MEIKIN: variants seen among roughly 807,000 people sequenced by gnomAD.
MEIKIN encodes meiosis-specific kinetochore protein.
At chr5:131,911,982 T>C in intron 7 of MEIKIN, 103 bp from the exon 8 acceptor site, 1 of 388,324 alleles carries the variant, frequency 2.6e-6, no homozygotes, top group Non-Finnish European at 4.6e-6. Flanking sequence ...TTGAGATTAA[T>C]TATCCTGTGG....
intron 9 of MEIKIN, among the ~76,000 whole-genome samples, chr5:131,862,994 T>C (rs1232356337): frequency 6.6e-6 from 1 of 152,230 alleles, no homozygotes; most frequent in Non-Finnish European, 1.5e-5. Flanking sequence ...CCACTGTTCC[T>C]GTCCTTATTT....
intron 8 of MEIKIN, among the ~76,000 whole-genome samples, chr5:131,895,761 T>C (rs1350395263): frequency 6.6e-6 from 1 of 152,216 alleles, no homozygotes; most frequent in Non-Finnish European, 1.5e-5. Context: ...ATTGTGTCTA[T>C]TTGATTCTTC....
chr5:131,936,866 C>T (rs1274560201), intron 4 of MEIKIN, among the ~76,000 whole-genome samples: 1 of 152,152 alleles, frequency 6.6e-6, no homozygotes, highest in African/African-American at 2.4e-5. Context: ...CCACAGCGCC[C>T]GGCCTTGTTC....
intron 6 of MEIKIN, 143 bp downstream of exon 6, chr5:131,921,679 C>T (rs1190321935): frequency 5.2e-6 from 2 of 381,212 alleles, no homozygotes; most frequent in Admixed American, 4.5e-5. Flanking sequence ...AAAGTAAACT[C>T]ATACATACTT....
chr5:131,939,880 A>C lies in MEIKIN; in HGVS notation c.349+2755T>G, dbSNP rs140960812. Among the ~76,000 whole-genome samples the C allele has an allele frequency of 1.0e-3, 157 of 152,350 alleles. 1 individual carries two copies. Among genetic ancestry groups the C allele is most frequent in the African/African-American group, 3.6e-3 (150 of 41,582 alleles). ...ATATATTTAAACTATGATTTTAGAAAATGCTGATTATGATTAAATGGTATT... is the reference window on the plus strand; with the variant it reads ...ATATATTTAAACTATGATTTTAGAACATGCTGATTATGATTAAATGGTATT... On this transcript the variant is annotated intron_variant, in intron 4 of 12. Coordinates refer to ENST00000442687, the MANE Select transcript of MEIKIN (RefSeq NM_001303622.2).
intron 9 of MEIKIN, among the ~76,000 whole-genome samples, chr5:131,866,319 G>A (rs544372566): frequency 6.6e-6 from 1 of 152,314 alleles, no homozygotes; most frequent in Admixed American, 6.5e-5. Context: ...CGGGCTGGGT[G>A]ATCTTCAGAC....
intron 9 of MEIKIN, among the ~76,000 whole-genome samples, chr5:131,877,597 G>C (rs1376405225): frequency 6.6e-6 from 1 of 152,110 alleles, no homozygotes; most frequent in Admixed American, 6.6e-5. Flanking sequence ...TGAGTGGTGA[G>C]AGAGCCACTG....
At chr5:131,842,461 G>C (rs1364358247) in intron 11 of MEIKIN, among the ~76,000 whole-genome samples, 1 of 152,064 alleles carries the variant, frequency 6.6e-6, no homozygotes, top group African/African-American at 2.4e-5. Context: ...TTATTGTGTT[G>C]AGGTACATTC....
chr5:131,875,439 G>T lies in MEIKIN; in HGVS notation c.774+3539C>A, dbSNP rs557907422. On this transcript the variant is annotated intron_variant, in intron 9 of 12. Coordinates refer to ENST00000442687, the MANE Select transcript of MEIKIN (RefSeq NM_001303622.2). ...ATACCTAGGAATCCAACTTACAAGG[G>T]ACGTGAAGGACCTCTTCAAGGAGAA... Among the ~76,000 whole-genome samples the T allele has an allele frequency of 1.9e-3, 282 of 152,116 alleles. 1 individual carries two copies. The highest frequency in any genetic ancestry group is 6.1e-3 in the African/African-American group (254 of 41,492).
At chr5:131,920,850 C>A (rs1464697749) in intron 6 of MEIKIN, among the ~76,000 whole-genome samples, 4 of 152,096 alleles carry the variant, frequency 2.6e-5, no homozygotes, top group Non-Finnish European at 5.9e-5. Context: ...TACAGGCGTG[C>A]ACCATCACAT....
chr5:131,864,512 G>A (rs990307237), intron 9 of MEIKIN, among the ~76,000 whole-genome samples: 1 of 152,104 alleles, frequency 6.6e-6, no homozygotes, highest in Non-Finnish European at 1.5e-5. Context: ...TCCTCGGCTG[G>A]CAGATTTGTT....
rs569135502 is a variant in MEIKIN at position 131,936,311 on chromosome 5, A to G, written c.350-2670T>C. Among the ~76,000 whole-genome samples, 83 of 152,348 alleles carry G rather than the reference A, an allele frequency of 5.4e-4. 2 individuals carry two copies. Among genetic ancestry groups the G allele is most frequent in the African/African-American group, 2.0e-3 (82 of 41,586 alleles). ...AGCAAAAACTGCAATCTCTTGTATCATATCTCCCCATCATAATTTTCTACT... is the reference window on the plus strand; with the variant it reads ...AGCAAAAACTGCAATCTCTTGTATCGTATCTCCCCATCATAATTTTCTACT... On this transcript the variant is annotated intron_variant, in intron 4 of 12. Transcript: ENST00000442687.
chr5:131,840,848 C>T (rs1017978653), intron 11 of MEIKIN, among the ~76,000 whole-genome samples: 13 of 152,166 alleles, frequency 8.5e-5, no homozygotes, highest in Admixed American at 7.2e-4. Context: ...CTATTTCTGT[C>T]GTTTCAGTCA....
At chr5:131,942,193 C>T (rs759226173) in intron 4 of MEIKIN, among the ~76,000 whole-genome samples, 5 of 152,200 alleles carry the variant, frequency 3.3e-5, no homozygotes, top group Non-Finnish European at 7.3e-5. Context: ...TCCTGTCTTA[C>T]ACTCACATAT....
chr5:131,818,674 G>A (rs1773145382), intron 12 of MEIKIN, 66 bp downstream of exon 12: 2 of 389,256 alleles, frequency 5.1e-6, no homozygotes, highest in Non-Finnish European at 9.1e-6. Context: ...TGTACATAAG[G>A]CATTTTTAAT....
At chr5:131,835,002 G>C (rs1261554546) in intron 11 of MEIKIN, among the ~76,000 whole-genome samples, 1 of 151,952 alleles carries the variant, frequency 6.6e-6, no homozygotes, top group Non-Finnish European at 1.5e-5. Context: ...ACAGGTATGA[G>C]GTCATCTCTC....
chr5:131,845,272 T>TAAAAAAAAAAAAAAAAAAAAA (rs1158220526), intron 11 of MEIKIN, among the ~76,000 whole-genome samples: 12 of 45,360 alleles, frequency 2.6e-4, no homozygotes, highest in African/African-American at 1.5e-3. Flanking sequence ...GACTTCGTCT[T>TAAAAAAAAAAAAAAAAAAAAA]AAAAAAAAAA....
At position 131,851,325 on chromosome 5, in the gene MEIKIN, T is replaced by C. The variant is rs564901711; in HGVS notation, c.914A>G (p.Asn305Ser). 3 of 398,112 alleles carry C rather than the reference T, an allele frequency of 7.5e-6. No homozygotes were observed. The highest frequency in any genetic ancestry group is 2.1e-5 in the African/African-American group (1 of 48,600). 24.7% of individuals were successfully genotyped at this position (398,112 alleles called of 1,614,324 possible). A position where few individuals can be genotyped will look rare whatever the true frequency, so the allele number is the denominator to read the frequency against. ...AACAATTTCATTTGAATTAACATAA[T>C]TGCTGACATTTGGAAATAGTTCTTC... Reference protein sequence around the residue: ...SFEELFPNVSNYVNSNEIVPV... With the variant: ...SFEELFPNVSSYVNSNEIVPV... Residue 305 changes from asparagine to serine, a missense_variant, in exon 11 of 13, where the codon AAT becomes AGT. Asn to Ser is a conservative substitution (Grantham distance 46). Transcript: ENST00000442687.
At chr5:131,914,124 C>T (rs756582579) in intron 7 of MEIKIN, among the ~76,000 whole-genome samples, 1 of 152,112 alleles carries the variant, frequency 6.6e-6, no homozygotes, top group Non-Finnish European at 1.5e-5. Flanking sequence ...CTATGTGATG[C>T]CCTGTGCCAC....
Sources: allele counts gnomAD v4.1 joint callset (sites outside exome capture counted in the v4.1 genomes callset), GRCh38; gene constraint gnomAD v4.1.1; transcripts MANE v1.5; gene names NCBI Gene and HGNC (gene_info 2026-07-23, HGNC 2026-07-21).